Variants in DNM3 observed in about 807,000 individuals in gnomAD.
The protein encoded by DNM3 is dynamin 3, also known as dynamin-3.
In DNM3, 47 loss-of-function variants were observed where a neutral mutation model predicts 101.6. The ratio of observed to expected loss-of-function variants is 0.46; its 90% CI spans 0.37 to 0.59. DNM3 has a LOEUF of 0.59. DNM3 is among the 20% of genes least tolerant of loss of function. The probability of loss-of-function intolerance (pLI) is 0.00; values close to 1 mark genes in which losing one functional copy is unlikely to be tolerated. For missense variants in DNM3, 849 were observed against 1,085.7 expected (o/e 0.78, Z 3.06); for synonymous variants, 385 against 387.9 (o/e 0.99, Z 0.09).
intron 20 of DNM3, among the ~76,000 whole-genome samples, chr1:172,404,654 T>C (rs893857951): frequency 6.6e-6 from 1 of 152,122 alleles, no homozygotes; most frequent in African/African-American, 2.4e-5. Flanking sequence ...TCACTCATTA[T>C]AGACCTACAT....
intron 1 of DNM3, among the ~76,000 whole-genome samples, chr1:171,919,901 C>A (rs1312121729): frequency 6.6e-6 from 1 of 152,090 alleles, no homozygotes; most frequent in Non-Finnish European, 1.5e-5. Context: ...TGAGTCCATG[C>A]CCACAGCATC....
intron 16 of DNM3, 39 bp downstream of exon 16, chr1:172,308,878 G>A (rs2064960688): frequency 1.6e-6 from 2 of 1,241,128 alleles, no homozygotes; most frequent in South Asian, 2.8e-5. Flanking sequence ...ATTATTATTA[G>A]CTATGCTTAA....
At chr1:172,048,567 C>G in intron 9 of DNM3, 45 bp from the exon 10 acceptor site, 6 of 1,556,962 alleles carry the variant, frequency 3.9e-6, no homozygotes, top group Non-Finnish European at 5.2e-6. Context: ...TTGAATATTA[C>G]TCAATTAAAA....
At chr1:172,166,215 G>A (rs2058738601) in intron 14 of DNM3, among the ~76,000 whole-genome samples, 1 of 152,002 alleles carries the variant, frequency 6.6e-6, no homozygotes, top group South Asian at 2.1e-4. Flanking sequence ...CAATATATGT[G>A]TGCTGAATGA....
At chr1:172,001,598 A>C (rs938527820) in intron 4 of DNM3, among the ~76,000 whole-genome samples, 19 of 151,904 alleles carry the variant, frequency 1.3e-4, no homozygotes, top group Admixed American at 1.2e-3. Context: ...TTTCACGGTG[A>C]TTTATTTCAC....
intron 1 of DNM3, among the ~76,000 whole-genome samples, chr1:171,877,394 CTTGT>C (rs752884102): frequency 1.3e-5 from 2 of 152,168 alleles, no homozygotes; most frequent in African/African-American, 2.4e-5. Flanking sequence ...TGCAAGTTTG[CTTGT>C]TTATCAGTTG....
chr1:171,967,775 G>C (rs541744862), intron 2 of DNM3, among the ~76,000 whole-genome samples: 1 of 152,072 alleles, frequency 6.6e-6, no homozygotes, highest in Non-Finnish European at 1.5e-5. Context: ...GTGCAGTTCT[G>C]TCCACCCCTT....
chr1:172,275,283 G>A (rs983304547), intron 15 of DNM3, among the ~76,000 whole-genome samples: 4 of 152,022 alleles, frequency 2.6e-5, no homozygotes, highest in African/African-American at 9.7e-5. Context: ...GCTATCATCT[G>A]TGTGAATATA....
chr1:172,089,356 G>T (rs1053964426), intron 12 of DNM3, among the ~76,000 whole-genome samples: 7 of 152,154 alleles, frequency 4.6e-5, no homozygotes, highest in African/African-American at 1.7e-4. Flanking sequence ...ACATAGGTAT[G>T]TTTTATAATA....
At chr1:172,183,913 G>GTT (rs879338013) in intron 14 of DNM3, among the ~76,000 whole-genome samples, 4 of 139,290 alleles carry the variant, frequency 2.9e-5, no homozygotes, top group Admixed American at 1.5e-4. Flanking sequence ...TGGCTTCAAA[G>GTT]TTTTTTTTTT....
At chr1:172,220,727 G>A (rs2060877013) in intron 14 of DNM3, among the ~76,000 whole-genome samples, 3 of 152,110 alleles carry the variant, frequency 2.0e-5, no homozygotes, top group African/African-American at 7.2e-5. Context: ...GAATGACCAG[G>A]TGGAATTTGG....
At chr1:172,263,358 A>G (rs1321992854) in intron 15 of DNM3, among the ~76,000 whole-genome samples, 1 of 152,242 alleles carries the variant, frequency 6.6e-6, no homozygotes, top group Non-Finnish European at 1.5e-5. Flanking sequence ...GTTCCAAAGT[A>G]TCAATTGGAA....
At chr1:172,353,417 A>C (rs1281485075) in intron 17 of DNM3, among the ~76,000 whole-genome samples, 2 of 152,204 alleles carry the variant, frequency 1.3e-5, no homozygotes, top group Non-Finnish European at 2.9e-5. Flanking sequence ...AAAAGCACTC[A>C]GAAAGCTAAG....
chr1:172,007,768 G>T (rs973488572), intron 4 of DNM3, among the ~76,000 whole-genome samples: 5 of 151,840 alleles, frequency 3.3e-5, no homozygotes, highest in South Asian at 2.1e-4. Flanking sequence ...TTTTAAAAAA[G>T]TTTAATTTAT....
chr1:172,225,950 T>C (rs899833544), intron 14 of DNM3, among the ~76,000 whole-genome samples: 1 of 152,026 alleles, frequency 6.6e-6, no homozygotes, highest in Non-Finnish European at 1.5e-5. Context: ...TTGGTGCTCT[T>C]TCCACCAAAT....
intron 17 of DNM3, among the ~76,000 whole-genome samples, chr1:172,348,849 C>CT (rs1395654042): frequency 6.6e-6 from 1 of 152,126 alleles, no homozygotes; most frequent in Non-Finnish European, 1.5e-5. Context: ...GTGGAAAAGA[C>CT]TAAGGCTTGG....
intron 14 of DNM3, among the ~76,000 whole-genome samples, chr1:172,190,959 T>G (rs906902373): frequency 1.3e-5 from 2 of 152,234 alleles, no homozygotes; most frequent in African/African-American, 4.8e-5. Context: ...TCTCCCATTC[T>G]GTAGGTTGCC....
chr1:172,120,180 TG>T (rs2056218635), intron 13 of DNM3, among the ~76,000 whole-genome samples: 1 of 152,192 alleles, frequency 6.6e-6, no homozygotes, highest in South Asian at 2.1e-4. Context: ...ATGTTCTACG[TG>T]GCTGGGGAGG....
chr1:171,904,605 C>T (rs2038656826), intron 1 of DNM3, among the ~76,000 whole-genome samples: 1 of 152,128 alleles, frequency 6.6e-6, no homozygotes, highest in East Asian at 1.9e-4. Context: ...GAAGACTGGC[C>T]AGTTTCTCTC....
Sources: allele counts gnomAD v4.1 joint callset (sites outside exome capture counted in the v4.1 genomes callset), GRCh38; gene constraint gnomAD v4.1.1; transcripts MANE v1.5; gene names NCBI Gene and HGNC (gene_info 2026-07-23, HGNC 2026-07-21).